Variants in CPA6 observed in about 807,000 individuals in gnomAD.
CPA6 encodes the protein carboxypeptidase B.
Under a neutral mutation model 63.3 loss-of-function variants are expected in CPA6, and 58 were observed. The observed-to-expected ratio is 0.92, with a 90% confidence interval of 0.74 to 1.14. The LOEUF (loss-of-function observed/expected upper bound fraction) is 1.14, where lower values mean the gene tolerates loss of function less well. CPA6 is among the 50% of genes most tolerant of loss of function. The pLI is 0.00. For missense variants in CPA6, 565 were observed against 526.6 expected (o/e 1.07, Z -0.71); for synonymous variants, 185 against 179.0 (o/e 1.03, Z -0.27).
Position 67,483,749 on chromosome 8 carries a change from C to T in CPA6, c.838+19G>A. 1.2e-6 allele frequency: 2 copies of T among 1,604,020 alleles called. No individual in the cohort carries two copies. The highest frequency in any genetic ancestry group is 1.7e-6 in the Non-Finnish European group (2 of 1,170,846). On this transcript the variant is annotated intron_variant, in intron 8 of 10. Transcript: ENST00000297770. ...TGCAGAAACCTTTGGATCTGGATCC[C>T]AGTTGGTCCCAAACTTACCACACCA...
intron 2 of CPA6, among the ~76,000 whole-genome samples, chr8:67,557,137 C>A (rs1457840579): frequency 6.6e-6 from 1 of 152,154 alleles, no homozygotes; most frequent in Non-Finnish European, 1.5e-5. Context: ...GGAAATAGAG[C>A]CGAGTGATGA....
chr8:67,513,376 G>C (rs957890320), intron 3 of CPA6, among the ~76,000 whole-genome samples: 2 of 152,126 alleles, frequency 1.3e-5, no homozygotes, highest in Non-Finnish European at 2.9e-5. Context: ...GTTTGACTAG[G>C]GCTGGGGTAA....
intron 1 of CPA6, among the ~76,000 whole-genome samples, chr8:67,668,078 T>C (rs1217433632): frequency 6.6e-6 from 1 of 152,224 alleles, no homozygotes; most frequent in Non-Finnish European, 1.5e-5. Context: ...AAGTGTCCTG[T>C]TTGAACAGAA....
At chr8:67,541,697 G>A (rs888521352) in intron 2 of CPA6, among the ~76,000 whole-genome samples, 7 of 152,126 alleles carry the variant, frequency 4.6e-5, no homozygotes, top group Non-Finnish European at 1.0e-4. Context: ...TTTTGTCTGC[G>A]GCTTGTCCTG....
intron 2 of CPA6, among the ~76,000 whole-genome samples, chr8:67,537,312 T>C (rs927395785): frequency 1.3e-5 from 2 of 152,166 alleles, no homozygotes; most frequent in Admixed American, 6.5e-5. Context: ...TTGGGGTGAA[T>C]CTGTTTGGTC....
intron 2 of CPA6, among the ~76,000 whole-genome samples, chr8:67,530,654 G>T (rs183258670): frequency 6.6e-6 from 1 of 152,188 alleles, no homozygotes; most frequent in Admixed American, 6.5e-5. Flanking sequence ...GAGGTGATAC[G>T]CTGGCAGTCC....
chr8:67,660,403 C>T (rs558002246), intron 1 of CPA6, among the ~76,000 whole-genome samples: 32 of 129,666 alleles, frequency 2.5e-4, no homozygotes, highest in African/African-American at 9.5e-4. Flanking sequence ...AATCTTGGCT[C>T]ACTGCAGCCT....
intron 2 of CPA6, among the ~76,000 whole-genome samples, chr8:67,607,268 C>T: frequency 7.7e-6 from 1 of 130,302 alleles, no homozygotes; most frequent in Non-Finnish European, 1.6e-5. Flanking sequence ...CTCCTCCTTT[C>T]TTCTTTCTTC....
intron 2 of CPA6, among the ~76,000 whole-genome samples, chr8:67,545,540 T>G (rs535248668): frequency 4.0e-5 from 6 of 150,398 alleles, no homozygotes; most frequent in South Asian, 4.2e-4. Flanking sequence ...TTAATCTGTT[T>G]CTTTCCACAG....
intron 1 of CPA6, among the ~76,000 whole-genome samples, chr8:67,634,004 G>T (rs112880351): frequency 4.1e-5 from 6 of 147,564 alleles, no homozygotes; most frequent in African/African-American, 1.6e-4. Context: ...TTCGTATGTT[G>T]AAGTCCTAAC....
At chr8:67,544,322 A>T (rs1041667734) in intron 2 of CPA6, among the ~76,000 whole-genome samples, 10 of 152,304 alleles carry the variant, frequency 6.6e-5, no homozygotes, top group Middle Eastern at 3.4e-3. Flanking sequence ...ATTCATTGTT[A>T]CAGGAAGGAA....
chr8:67,477,503 G>C (rs944880308), intron 8 of CPA6, among the ~76,000 whole-genome samples: 1 of 152,064 alleles, frequency 6.6e-6, no homozygotes, highest in Admixed American at 6.6e-5. Context: ...TAATTTCTTA[G>C]GAGTGGGATG....
chr8:67,704,796 C>CT (rs1179301937), intron 1 of CPA6, among the ~76,000 whole-genome samples: 1 of 152,202 alleles, frequency 6.6e-6, no homozygotes, highest in African/African-American at 2.4e-5. Context: ...CAGGCAACAT[C>CT]TTTTTTCCTT....
chr8:67,595,228 C>T lies in CPA6; in HGVS notation c.192+28948G>A, dbSNP rs1038264292. Among the ~76,000 whole-genome samples the T allele has an allele frequency of 4.6e-5, 7 of 152,160 alleles. No homozygotes were observed. The East Asian group carries it at 5.8e-4, about 13-fold the overall frequency. On this transcript the variant is annotated intron_variant, in intron 2 of 10. Transcript: ENST00000297770. ...TGATCCATGAATGCTGCTGTCTGATCGTTCCTCTGGAAGTTTTGTCTCAGA... is the reference window on the plus strand; with the variant it reads ...TGATCCATGAATGCTGCTGTCTGATTGTTCCTCTGGAAGTTTTGTCTCAGA...
At chr8:67,670,930 A>G (rs1045753287) in intron 1 of CPA6, among the ~76,000 whole-genome samples, 1 of 152,238 alleles carries the variant, frequency 6.6e-6, no homozygotes, top group African/African-American at 2.4e-5. Flanking sequence ...CATCATTGTC[A>G]TGATTCTGAG....
intron 9 of CPA6, among the ~76,000 whole-genome samples, chr8:67,432,094 G>T (rs985430466): frequency 2.6e-5 from 4 of 152,174 alleles, no homozygotes; most frequent in African/African-American, 9.7e-5. Flanking sequence ...GTGTCTTTTG[G>T]ATGGTAATGA....
chr8:67,702,731 G>T (rs552196356), intron 1 of CPA6, among the ~76,000 whole-genome samples: 26 of 152,148 alleles, frequency 1.7e-4, no homozygotes, highest in South Asian at 4.1e-4. Context: ...ACCACACTGC[G>T]CATACGGCCC....
chr8:67,555,649 A>T (rs1813043463), intron 2 of CPA6, among the ~76,000 whole-genome samples: 1 of 152,198 alleles, frequency 6.6e-6, no homozygotes, highest in Non-Finnish European at 1.5e-5. Context: ...TCAGCCAGGC[A>T]GAAGTATGGG....
At chr8:67,653,533 GCTCT>G (rs1307005949) in intron 1 of CPA6, among the ~76,000 whole-genome samples, 1 of 151,452 alleles carries the variant, frequency 6.6e-6, no homozygotes, top group African/African-American at 2.4e-5. Flanking sequence ...TCATGATTTG[GCTCT>G]CTGTTTGTCT....
Sources: allele counts gnomAD v4.1 joint callset (sites outside exome capture counted in the v4.1 genomes callset), GRCh38; gene constraint gnomAD v4.1.1; transcripts MANE v1.5; gene names NCBI Gene and HGNC (gene_info 2026-07-23, HGNC 2026-07-21).